SP140: variants seen among roughly 807,000 people sequenced by gnomAD.
The protein encoded by SP140 is nuclear body protein SP140.
Under a neutral mutation model 125.0 loss-of-function variants are expected in SP140, and 81 were observed. The ratio of observed to expected loss-of-function variants is 0.65; its 90% CI spans 0.54 to 0.78. The LOEUF (loss-of-function observed/expected upper bound fraction) is 0.78. SP140 is among the 30% of genes least tolerant of loss of function. The probability of loss-of-function intolerance (pLI) is 0.00; values close to 1 mark genes in which losing one functional copy is unlikely to be tolerated. For missense variants in SP140, 858 were observed against 1,037.0 expected, an observed-to-expected ratio of 0.83 and a Z score of 2.37; for synonymous variants, 312 against 354.0, an observed-to-expected ratio of 0.88 and a Z score of 1.33.
At chr2:230,222,687 C>T (rs11894013), upstream of SP140, among the ~76,000 whole-genome samples, 2,073 of 150,652 alleles carry the variant, frequency 0.014, 38 homozygotes, top group African/African-American at 0.038. Flanking sequence ...CAGAGTGAGA[C>T]CCTGTCTCAA....
downstream of SP140, among the ~76,000 whole-genome samples, chr2:230,314,775 A>G (rs2059472180): frequency 6.6e-6 from 1 of 152,218 alleles, no homozygotes; most frequent in Non-Finnish European, 1.5e-5. Flanking sequence ...GACACTAACT[A>G]AAGGGAGAAG....
intron 12 of SP140, among the ~76,000 whole-genome samples, chr2:230,265,324 C>T (rs1430030860): frequency 6.6e-6 from 1 of 152,096 alleles, no homozygotes; most frequent in African/African-American, 2.4e-5. Flanking sequence ...ATGCCCCGCC[C>T]CAACAGCCCC....
At chr2:230,285,861 T>C (rs372823189) in intron 17 of SP140, 29 bp downstream of exon 17, 74 of 1,539,174 alleles carry the variant, frequency 4.8e-5, no homozygotes, top group Non-Finnish European at 6.3e-5. Flanking sequence ...GCTTTCCCTT[T>C]GCCCTACAGG....
chr2:230,293,715 T>C (rs1017607589), intron 20 of SP140, among the ~76,000 whole-genome samples: 1 of 152,194 alleles, frequency 6.6e-6, no homozygotes, highest in Admixed American at 6.5e-5. Flanking sequence ...GTTCAAGTGT[T>C]ACCCCTTCCT....
At chr2:230,270,075 G>T in intron 14 of SP140, 122 bp downstream of exon 14, 1 of 681,346 alleles carries the variant, frequency 1.5e-6, no homozygotes, top group Non-Finnish European at 2.6e-6. Context: ...CTTGACCTGA[G>T]CCTTTGGGGA....
chr2:230,285,174 A>C (rs1415656239), intron 16 of SP140, among the ~76,000 whole-genome samples: 1 of 152,114 alleles, frequency 6.6e-6, no homozygotes, highest in Non-Finnish European at 1.5e-5. Context: ...ATTTCCTGTA[A>C]ATATATTTAT....
chr2:230,276,762 A>C (rs1196419552), intron 15 of SP140, among the ~76,000 whole-genome samples: 1 of 152,216 alleles, frequency 6.6e-6, no homozygotes, highest in Non-Finnish European at 1.5e-5. Flanking sequence ...CCATAATAAC[A>C]TTCATGATAT....
intron 1 of SP140, among the ~76,000 whole-genome samples, chr2:230,236,788 T>C (rs970166439): frequency 4.6e-5 from 7 of 152,240 alleles, no homozygotes; most frequent in African/African-American, 1.7e-4. Context: ...CATCTTTTAA[T>C]TGCATATTTT....
At chr2:230,241,903 G>A (rs2048778382) in intron 4 of SP140, among the ~76,000 whole-genome samples, 1 of 152,218 alleles carries the variant, frequency 6.6e-6, no homozygotes, top group African/African-American at 2.4e-5. Context: ...TCAGGTGAGA[G>A]ATATTCCTTA....
intron 15 of SP140, among the ~76,000 whole-genome samples, chr2:230,281,989 C>A (rs1181353322): frequency 3.3e-5 from 5 of 152,098 alleles, no homozygotes; most frequent in African/African-American, 1.2e-4. Context: ...TGGTGCAGAG[C>A]AAGCCCAGGT....
At position 230,208,053 on chromosome 2, in the gene SP140, T is replaced by G. The variant is rs200061414; in HGVS notation, c.-323+4774T>G. The G allele has an allele frequency of 2.0e-6, 3 of 1,528,416 alleles. No individual in the cohort carries two copies. In the South Asian group the frequency reaches 3.4e-5, roughly 17 times the overall value. 94.7% of individuals were successfully genotyped at this position (1,528,416 alleles called of 1,614,324 possible). Reference sequence around the variant, plus strand: ...AGTTGACCAGATACATCTTTTTCTTTTCTTTCCTAAAAAGAAAGGATAATG... The same window carrying G: ...AGTTGACCAGATACATCTTTTTCTTGTCTTTCCTAAAAAGAAAGGATAATG... On this transcript the variant is annotated intron_variant, in intron 1 of 4. Transcript: ENST00000456542.
chr2:230,216,618 A>G (rs969986996), intron 3 of SP140, among the ~76,000 whole-genome samples: 1 of 152,186 alleles, frequency 6.6e-6, no homozygotes, highest in Non-Finnish European at 1.5e-5. Flanking sequence ...CATAGCCCCT[A>G]TGACACCCTC....
Position 230,244,973 on chromosome 2 carries a change from CTTGT to C in SP140, c.572-12_572-9del. ...GAGGTCTGTGCTCTCATCACTGTGC[CTTGT>C]TTATTTCCAGGTTTCTCTTCAGAGT... On this transcript the variant is annotated splice_polypyrimidine_tract_variant and intron_variant, in intron 5 of 26. Coordinates refer to ENST00000392045, the MANE Select transcript of SP140 (RefSeq NM_007237.5). The C allele has an allele frequency of 6.3e-7, 1 of 1,593,648 alleles. No homozygotes were observed. Among genetic ancestry groups the C allele is most frequent in the Non-Finnish European group, 8.6e-7 (1 of 1,163,000 alleles).
chr2:230,311,711 T>C, intron 26 of SP140, 116 bp downstream of exon 26: 8 of 1,038,324 alleles, frequency 7.7e-6, no homozygotes, highest in Non-Finnish European at 1.1e-5. Flanking sequence ...GCAAGGGTTC[T>C]GGAAGTGATT....
At chr2:230,269,791 C>A in intron 13 of SP140, 46 bp from the exon 14 acceptor site, 1 of 1,454,884 alleles carries the variant, frequency 6.9e-7, no homozygotes, top group South Asian at 1.2e-5. Context: ...AAAATAGAGT[C>A]ACTGGGTCAA....
intron 22 of SP140, among the ~76,000 whole-genome samples, chr2:230,300,478 C>A (rs1053856231): frequency 2.0e-5 from 3 of 152,160 alleles, no homozygotes; most frequent in African/African-American, 4.8e-5. Flanking sequence ...CATCACAGGA[C>A]CCTTTGCAGA....
chr2:230,253,175 A>C, intron 10 of SP140, 141 bp from the exon 11 acceptor site: 1 of 653,398 alleles, frequency 1.5e-6, no homozygotes. Context: ...GACACTGAGA[A>C]TTAGAGAGAA....
Position 230,211,567 on chromosome 2 carries a change from GAA to G in SP140, c.-322-2083_-322-2082del, listed in dbSNP as rs1287750429. Reference sequence around the variant, plus strand: ...TGTCACTGGCCACTGAATGGAGGAAGAAAAAGTTTTAGATCTCAGGAACAGCA... The same window carrying G: ...TGTCACTGGCCACTGAATGGAGGAAGAAAGTTTTAGATCTCAGGAACAGCA... On this transcript the variant is annotated intron_variant, in intron 1 of 4. Coordinates refer to the SP140 transcript ENST00000456542. The surrounding 1 kb of genome is among the most constrained non-coding windows in gnomAD (Gnocchi z 4.2). 3 of 1,539,586 alleles carry G rather than the reference GAA, an allele frequency of 1.9e-6. No homozygotes were observed. Among genetic ancestry groups the G allele is most frequent in the Non-Finnish European group, 2.7e-6 (3 of 1,112,200 alleles).
At chr2:230,307,839 C>A (rs1158120960) in intron 22 of SP140, among the ~76,000 whole-genome samples, 3 of 151,682 alleles carry the variant, frequency 2.0e-5, no homozygotes, top group Non-Finnish European at 4.4e-5. Flanking sequence ...GGCAAAGGCA[C>A]AACTGCTTAC....
Sources: allele counts gnomAD v4.1 joint callset (sites outside exome capture counted in the v4.1 genomes callset), GRCh38; gene constraint gnomAD v4.1.1; non-coding constraint Gnocchi (gnomAD v3.1); transcripts MANE v1.5; gene names NCBI Gene and HGNC (gene_info 2026-07-23, HGNC 2026-07-21).